The following SLC26A6 variants were observed in gnomAD, a reference collection of about 807,000 sequenced individuals.
The protein encoded by SLC26A6 is solute carrier family 26 member 6.
In SLC26A6, 67 loss-of-function variants were observed where a neutral mutation model predicts 87.1. The ratio of observed to expected loss-of-function variants is 0.77; its 90% CI spans 0.63 to 0.94. SLC26A6 has a LOEUF of 0.94. Among genes scored for constraint, SLC26A6 ranks in the 40% least tolerant of loss-of-function variants. SLC26A6 has a pLI of 0.00. For missense variants in SLC26A6, 902 were observed against 973.0 expected (o/e 0.93, Z 0.97); for synonymous variants, 414 against 405.9 (o/e 1.02, Z -0.24).
chr3:48,632,366 C>A lies in SLC26A6; in HGVS notation c.464G>T (p.Gly155Val). Residue 155 changes from glycine to valine, a missense_variant, in exon 5 of 21, where the codon GGC becomes GTC. Coordinates refer to ENST00000395550, the MANE Select transcript of SLC26A6 (RefSeq NM_022911.3). ...GTFAVMSVMV[G>V]SVTESLAPQA... ...CGGGGCCAGGGATTCTGTCACACTG[C>A]CCACCATCACAGACATGACAGCAAA... The A allele has an allele frequency of 6.2e-7, 1 of 1,610,918 alleles. No individual in the cohort carries two copies.
At position 48,631,696 on chromosome 3, in the gene SLC26A6, T is replaced by G. The variant is rs780459948; in HGVS notation, c.856A>C (p.Lys286Gln). The G allele has an allele frequency of 6.2e-7, 1 of 1,613,128 alleles. No individual in the cohort carries two copies. The highest frequency in any genetic ancestry group is 8.5e-7 in the Non-Finnish European group (1 of 1,179,990). The change falls in exon 7 of 21, where the codon AAG becomes CAG. Residue 286 changes from lysine to glutamine, a missense_variant. Lys to Gln is a moderately conservative substitution (Grantham distance 53, BLOSUM62 1). This residue lies in a region of SLC26A6 where 800 missense variants were observed against 856.8 expected (regional missense o/e 0.93). Transcript: ENST00000395550. ...VLVVVKLLND[K>Q]LQQQLPMPIP... is the part of the protein sequence containing the mutation. Reference sequence around the variant, plus strand: ...GGCATGGGCAGCTGCTGCTGCAGCTTGTCATTCAACAGCTTCACCACCACG... The same window carrying G: ...GGCATGGGCAGCTGCTGCTGCAGCTGGTCATTCAACAGCTTCACCACCACG...
chr3:48,634,279 G>A (rs1381623326), intron 1 of SLC26A6: 2 of 152,980 alleles, frequency 1.3e-5, no homozygotes, highest in African/African-American at 2.4e-5. Context: ...CACCTAGAGG[G>A]AGAGGCTCCC....
At chr3:48,627,882 G>A in intron 17 of SLC26A6, 64 bp downstream of exon 17, 2 of 1,447,600 alleles carry the variant, frequency 1.4e-6, no homozygotes, top group South Asian at 1.3e-5. Flanking sequence ...TTCCTCATGA[G>A]ACATGTGGAT....
intron 14 of SLC26A6, among the ~76,000 whole-genome samples, chr3:48,629,233 C>CG (rs1409925656): frequency 1.3e-5 from 2 of 152,188 alleles, no homozygotes; most frequent in African/African-American, 4.8e-5. Flanking sequence ...CAGAGCCCCC[C>CG]ACCTATGTTC....
intron 17 of SLC26A6, 31 bp from the exon 18 acceptor site, chr3:48,627,086 C>T (rs754909896): frequency 6.9e-6 from 11 of 1,601,466 alleles, no homozygotes; most frequent in Non-Finnish European, 9.4e-6. Context: ...CCAGGGCCAC[C>T]CATGAGAGAG....
Position 48,628,161 on chromosome 3 carries a change from G to T in SLC26A6, c.1801-123C>A. The T allele has an allele frequency of 1.1e-6, 1 of 936,900 alleles. No individual in the cohort carries two copies. Among genetic ancestry groups the T allele is most frequent in the Non-Finnish European group, 1.6e-6 (1 of 625,154 alleles). 58.0% of individuals were successfully genotyped at this position (936,900 alleles called of 1,614,324 possible). ...GGGTGGGCCAGGACCAGAAGCTGTG[G>T]GACCTGCAGCAGCCAGGCTGAAGCT... is the stretch of plus-strand genomic sequence containing the variant. On this transcript the variant is annotated intron_variant, in intron 16 of 20. Coordinates refer to ENST00000395550, the MANE Select transcript of SLC26A6 (RefSeq NM_022911.3). This position sits in a 1 kb window ranked among gnomAD's most constrained non-coding sequence, Gnocchi z 4.4.
intron 19 of SLC26A6, 54 bp downstream of exon 19, chr3:48,626,577 C>G (rs543490310): frequency 6.2e-7 from 1 of 1,612,194 alleles, no homozygotes; most frequent in South Asian, 1.1e-5. Flanking sequence ...ACCCCTTGGC[C>G]AAAAGTATCC....
At position 48,635,425 on chromosome 3, in the gene SLC26A6, T is replaced by G; in HGVS notation, c.-32A>C. ...CAAGTTGTCCGGTGCGGGCTGCTCC[T>G]GCTGCTCGAGCTAGAGGCCGCTACG... On this transcript the variant is annotated 5_prime_UTR_variant, in exon 1 of 21. Coordinates refer to ENST00000395550, the MANE Select transcript of SLC26A6 (RefSeq NM_022911.3). 6.4e-7 allele frequency: 1 copy of G among 1,569,814 alleles called. No individual in the cohort carries two copies. Among genetic ancestry groups the G allele is most frequent in the East Asian group, 2.4e-5 (1 of 42,192 alleles).
In SLC26A6 at chr3:48,628,426, G is replaced by A. The variant is rs1246004027; in HGVS notation, c.1800+8C>T. The A allele has an allele frequency of 6.2e-7, 1 of 1,613,760 alleles. No homozygotes were observed. Among genetic ancestry groups the A allele is most frequent in the Non-Finnish European group, 8.5e-7 (1 of 1,179,964 alleles). ...GAGATGGGGGTCACCAGACAAAAGG[G>A]GCCCTGCCTGTTTCCGAAGCTTCTC... On this transcript the variant is annotated splice_region_variant and intron_variant, in intron 16 of 20. Coordinates refer to ENST00000395550, the MANE Select transcript of SLC26A6 (RefSeq NM_022911.3). The surrounding 1 kb of genome is among the most constrained non-coding windows in gnomAD (Gnocchi z 4.4).
chr3:48,625,987 C>T lies in SLC26A6; in HGVS notation c.2279G>A (p.Ter760=). ...PDSPVSVTRL[*] ...AGTCTTGGGCAGGATGTAGCATGTT[C>T]AGAGTCTGGTGACCTGAGCAGGCAG... Residue 760 remains the stop codon, a stop_retained_variant, in exon 21 of 21, where the codon TGA becomes TAA. Coordinates refer to ENST00000395550, the MANE Select transcript of SLC26A6 (RefSeq NM_022911.3). The surrounding 1 kb of genome is among the most constrained non-coding windows in gnomAD (Gnocchi z 4.7). The T allele has an allele frequency of 1.2e-6, 2 of 1,613,866 alleles. No homozygotes were observed. Among genetic ancestry groups the T allele is most frequent in the Non-Finnish European group, 1.7e-6 (2 of 1,179,952 alleles).
chr3:48,632,088 G>A, intron 5 of SLC26A6, 44 bp from the exon 6 acceptor site: 6 of 1,609,196 alleles, frequency 3.7e-6, no homozygotes, highest in Non-Finnish European at 5.1e-6. Context: ...GGGGTCCTGG[G>A]GTTGCTAATG....
At position 48,628,169 on chromosome 3, in the gene SLC26A6, A is replaced by G. The variant is rs2046678459; in HGVS notation, c.1801-131T>C. Reference sequence around the variant, plus strand: ...CAGGACCAGAAGCTGTGGGACCTGCAGCAGCCAGGCTGAAGCTCCTGGAAC... The same window carrying G: ...CAGGACCAGAAGCTGTGGGACCTGCGGCAGCCAGGCTGAAGCTCCTGGAAC... On this transcript the variant is annotated intron_variant, in intron 16 of 20. Coordinates refer to ENST00000395550, the MANE Select transcript of SLC26A6 (RefSeq NM_022911.3). This position sits in a 1 kb window ranked among gnomAD's most constrained non-coding sequence, Gnocchi z 4.4. The G allele has an allele frequency of 2.3e-6, 2 of 882,736 alleles. No homozygotes were observed. The highest frequency in any genetic ancestry group is 3.4e-5 in the African/African-American group (2 of 59,170). The allele number at this position is 882,736 out of a possible 1,614,324, so 54.7% of individuals were successfully genotyped here.
rs2046931583 is a variant in SLC26A6, at chr3:48,635,454, C to T, written c.-61G>A. On this transcript the variant is annotated 5_prime_UTR_variant, in exon 1 of 21. Transcript: ENST00000395550. ...GCTCGAGCTAGAGGCCGCTACGCTCCGGAAGGCGGCGCCGGGACCGGGTGA... is the reference window on the plus strand; with the variant it reads ...GCTCGAGCTAGAGGCCGCTACGCTCTGGAAGGCGGCGCCGGGACCGGGTGA... 3.2e-6 allele frequency: 5 copies of T among 1,544,032 alleles called. No individual in the cohort carries two copies. The highest frequency in any genetic ancestry group is 1.9e-5 in the Admixed American group (1 of 51,394).
intron 7 of SLC26A6, 147 bp downstream of exon 7, chr3:48,631,501 TA>T: frequency 8.6e-7 from 1 of 1,160,382 alleles, no homozygotes. Flanking sequence ...GAAACCAACA[TA>T]GGGGCTTTCT....
intron 4 of SLC26A6, 74 bp downstream of exon 4, chr3:48,632,900 T>C: frequency 7.0e-7 from 1 of 1,433,232 alleles, no homozygotes; most frequent in Non-Finnish European, 9.7e-7. Flanking sequence ...CCTGCCCTGC[T>C]CAGTGCCCCC....
chr3:48,630,199 C>T (rs759273815), intron 11 of SLC26A6, 42 bp from the exon 12 acceptor site: 26 of 1,589,950 alleles, frequency 1.6e-5, no homozygotes, highest in Admixed American at 8.4e-5. Context: ...TGAGGGCACC[C>T]GATGCTGACA....
intron 19 of SLC26A6, 107 bp downstream of exon 19, chr3:48,626,524 C>G: frequency 6.4e-7 from 1 of 1,562,568 alleles, no homozygotes; most frequent in South Asian, 1.1e-5. Context: ...CACCTCTGAC[C>G]TCCAGTTCCA....
chr3:48,630,297 T>C, intron 11 of SLC26A6, 140 bp from the exon 12 acceptor site: 1 of 1,294,652 alleles, frequency 7.7e-7, no homozygotes, highest in East Asian at 2.5e-5. Context: ...CTGACCCTTG[T>C]CTCCAAATCT....
Position 48,632,414 on chromosome 3 carries a change from G to A in SLC26A6, c.434-18C>T. The A allele has an allele frequency of 2.5e-6, 4 of 1,597,278 alleles. No individual in the cohort carries two copies. Among genetic ancestry groups the A allele is most frequent in the Non-Finnish European group, 3.4e-6 (4 of 1,170,696 alleles). ...AAAGGTCCCTGTAAGGACGGCACGG[G>A]GCAGGTCTGAAGAGGAGAGGACACT... is the stretch of plus-strand genomic sequence containing the variant. On this transcript the variant is annotated intron_variant, in intron 4 of 20. Transcript: ENST00000395550.
Sources: gnomAD v4.1 joint callset for allele counts (sites outside exome capture counted in the v4.1 genomes callset) on GRCh38, gnomAD v4.1.1 for gene constraint, gnomAD v4.1.1 regional missense constraint, Gnocchi (gnomAD v3.1) non-coding constraint, MANE v1.5 for transcripts, NCBI Gene and HGNC (gene_info 2026-07-23, HGNC 2026-07-21) for gene names.